VPS13B: variants seen among roughly 807,000 people sequenced by gnomAD.
VPS13B encodes the protein vacuolar protein sorting 13 homolog B, also known as intermembrane lipid transfer protein VPS13B.
A neutral mutation model predicts 426.4 loss-of-function variants in VPS13B; 285 were observed. The ratio of observed to expected loss-of-function variants is 0.67; its 90% CI spans 0.61 to 0.74. The LOEUF is 0.74. Among genes scored for constraint, VPS13B ranks in the 30% least tolerant of loss-of-function variants. The pLI, the probability that VPS13B is intolerant of heterozygous loss-of-function variation, is 0.00. For missense variants in VPS13B, 4,537 were observed against 4,782.6 expected (o/e 0.95, Z 1.51); for synonymous variants, 1,676 against 1,676.4 (o/e 1.00, Z 0.01).
chr8:99,162,540 A>G (rs1811728453), intron 15 of VPS13B, among the ~76,000 whole-genome samples: 1 of 151,618 alleles, frequency 6.6e-6, no homozygotes, highest in African/African-American at 2.4e-5. Flanking sequence ...GTTCAGATGT[A>G]TTTGGAGTTT....
At chr8:99,869,375 C>G (rs867113322) in intron 59 of VPS13B, among the ~76,000 whole-genome samples, 1 of 152,114 alleles carries the variant, frequency 6.6e-6, no homozygotes, top group South Asian at 2.1e-4. Context: ...GCAGCCAGAT[C>G]GGGGCATAAA....
intron 30 of VPS13B, among the ~76,000 whole-genome samples, chr8:99,549,193 A>C (rs1824147610): frequency 1.3e-5 from 2 of 152,172 alleles, no homozygotes; most frequent in Admixed American, 6.6e-5. Flanking sequence ...GGTCTATTGC[A>C]TACTAACCAG....
chr8:99,471,454 G>A (rs568262268), intron 24 of VPS13B, among the ~76,000 whole-genome samples: 11 of 152,176 alleles, frequency 7.2e-5, no homozygotes, highest in African/African-American at 2.6e-4. Flanking sequence ...TAAGTAGACC[G>A]AAAGTTTTGG....
intron 58 of VPS13B, among the ~76,000 whole-genome samples, 180 bp downstream of exon 58, chr8:99,862,126 A>G (rs923875076): frequency 1.1e-4 from 16 of 152,264 alleles, no homozygotes; most frequent in Middle Eastern, 3.2e-3. Context: ...ACAGCCGCAC[A>G]TGCAGCGCCT....
chr8:99,095,013 T>C (rs1021731603), intron 3 of VPS13B, among the ~76,000 whole-genome samples: 22 of 152,200 alleles, frequency 1.4e-4, no homozygotes, highest in African/African-American at 5.1e-4. Flanking sequence ...TCTTCCCTCA[T>C]GTTACTACTC....
chr8:99,692,043 C>T (rs867857672), intron 35 of VPS13B, among the ~76,000 whole-genome samples: 2 of 149,126 alleles, frequency 1.3e-5, no homozygotes, highest in South Asian at 2.1e-4. Flanking sequence ...ATTCATAAAG[C>T]AAGTCCTGAG....
chr8:99,301,379 C>T (rs1414230145), intron 19 of VPS13B, among the ~76,000 whole-genome samples: 1 of 151,640 alleles, frequency 6.6e-6, no homozygotes, highest in Non-Finnish European at 1.5e-5. Context: ...CCGCAACCTC[C>T]ACCTTCCAGG....
At chr8:99,155,455 A>T (rs11988987) in intron 14 of VPS13B, among the ~76,000 whole-genome samples, 6 of 151,994 alleles carry the variant, frequency 3.9e-5, no homozygotes, top group Non-Finnish European at 8.8e-5. Context: ...GGACAGTCTC[A>T]TAGGGTGCTT....
intron 5 of VPS13B, among the ~76,000 whole-genome samples, chr8:99,108,007 C>T (rs749160795): frequency 7.2e-5 from 11 of 152,168 alleles, no homozygotes; most frequent in Non-Finnish European, 1.5e-4. Context: ...CCACCCTCCA[C>T]CCTCAAGTAG....
At position 99,237,458 on chromosome 8, in the gene VPS13B, C is replaced by T. The variant is rs150548033; in HGVS notation, c.2516-36740C>T. Among the ~76,000 whole-genome samples the T allele has an allele frequency of 8.1e-3, 1,236 of 151,880 alleles. 8 individuals are homozygous for T. Among genetic ancestry groups the T allele is most frequent in the Non-Finnish European group, 0.012 (824 of 67,980 alleles). On this transcript the variant is annotated intron_variant, in intron 17 of 61. Coordinates refer to ENST00000357162, the MANE Select transcript of VPS13B (RefSeq NM_152564.5). Reference sequence around the variant, plus strand: ...TTGTCAAAATGTTGGGGTAAGCAACCAGGCTAATGTAAAGTGGAGGCAAGG... The same window carrying T: ...TTGTCAAAATGTTGGGGTAAGCAACTAGGCTAATGTAAAGTGGAGGCAAGG...
chr8:99,695,344 T>C (rs1281728057), intron 35 of VPS13B, among the ~76,000 whole-genome samples: 2 of 148,624 alleles, frequency 1.3e-5, no homozygotes, highest in African/African-American at 4.9e-5. Flanking sequence ...GTGGCACATA[T>C]ACACCATGGA....
intron 19 of VPS13B, chr8:99,346,259 T>G (rs1811533401): frequency 6.6e-6 from 1 of 152,148 alleles, no homozygotes; most frequent in Non-Finnish European, 1.5e-5. Context: ...ATCTTATAGT[T>G]TGTCATGTCA....
intron 19 of VPS13B, among the ~76,000 whole-genome samples, chr8:99,301,170 A>G (rs1427564115): frequency 6.6e-6 from 1 of 152,068 alleles, no homozygotes; most frequent in Non-Finnish European, 1.5e-5. Flanking sequence ...AGCCATGAGC[A>G]TGCAATTGCA....
chr8:99,703,503 A>G (rs1241595357), intron 36 of VPS13B, among the ~76,000 whole-genome samples: 1 of 152,122 alleles, frequency 6.6e-6, no homozygotes, highest in East Asian at 1.9e-4. Context: ...AAATCCTATG[A>G]TTATATTAAA....
chr8:99,751,432 A>G (rs1278718712), intron 39 of VPS13B, among the ~76,000 whole-genome samples: 2 of 152,160 alleles, frequency 1.3e-5, no homozygotes, highest in Non-Finnish European at 2.9e-5. Context: ...GAATGAGTAC[A>G]TTGGTAAAGA....
intron 15 of VPS13B, among the ~76,000 whole-genome samples, chr8:99,162,812 G>C (rs1588102242): frequency 6.6e-6 from 1 of 152,120 alleles, no homozygotes; most frequent in South Asian, 2.1e-4. Flanking sequence ...AGTGTGGAAG[G>C]GAACCCGAGC....
chr8:99,503,881 A>C (rs923287987), intron 27 of VPS13B, among the ~76,000 whole-genome samples: 4 of 152,212 alleles, frequency 2.6e-5, no homozygotes, highest in African/African-American at 9.6e-5. Flanking sequence ...CCTCCCATGA[A>C]TCATGAATGT....
chr8:99,773,837 AT>A (rs2130654694), intron 40 of VPS13B, among the ~76,000 whole-genome samples: 1 of 152,352 alleles, frequency 6.6e-6, no homozygotes, highest in South Asian at 2.1e-4. Flanking sequence ...ATATTGAAAT[AT>A]AAATATTATA....
chr8:99,661,213 T>G, intron 34 of VPS13B, 141 bp from the exon 35 acceptor site: 1 of 1,015,396 alleles, frequency 9.8e-7, no homozygotes, highest in South Asian at 1.4e-5. Flanking sequence ...GTTTACTGTA[T>G]GTGCACAAAC....
Sources: gnomAD v4.1 joint callset for allele counts (sites outside exome capture counted in the v4.1 genomes callset) on GRCh38, gnomAD v4.1.1 for gene constraint, MANE v1.5 for transcripts, NCBI Gene and HGNC (gene_info 2026-07-23, HGNC 2026-07-21) for gene names.